The following CDH13 variants were observed in gnomAD, a reference collection of about 807,000 sequenced individuals.
CDH13 encodes cadherin-13.
CDH13 carries 24 observed loss-of-function variants against 63.8 expected under a neutral mutation model. That is an observed-to-expected ratio of 0.38 (90% confidence interval 0.27 to 0.53). The LOEUF (loss-of-function observed/expected upper bound fraction) is 0.53, where lower values mean the gene tolerates loss of function less well. CDH13 is among the 20% of genes least tolerant of loss of function. The pLI is 0.85. For synonymous variants in CDH13, 503 were observed against 355.3 expected, an observed-to-expected ratio of 1.42 and a Z score of -4.67; for missense variants, 1,049 against 903.1, an observed-to-expected ratio of 1.16 and a Z score of -2.07.
At chr16:82,767,189 T>G (rs1056407225) in intron 1 of CDH13, among the ~76,000 whole-genome samples, 21 of 152,206 alleles carry the variant, frequency 1.4e-4, no homozygotes, top group African/African-American at 4.1e-4. Context: ...GCATAAATCT[T>G]AAGTGTGTAT....
intron 2 of CDH13, among the ~76,000 whole-genome samples, chr16:82,970,661 A>T (rs1567706443): frequency 8.5e-6 from 1 of 117,312 alleles, no homozygotes; most frequent in Non-Finnish European, 2.1e-5. Context: ...GGCCTCCCAA[A>T]GTGCCAGTGC....
At chr16:83,452,723 T>G (rs2072917396) in intron 6 of CDH13, among the ~76,000 whole-genome samples, 1 of 152,150 alleles carries the variant, frequency 6.6e-6, no homozygotes, top group Admixed American at 6.5e-5. Flanking sequence ...TACAATGCAG[T>G]GTGATGAGGA....
At chr16:83,120,998 G>A (rs547104962) in intron 3 of CDH13, among the ~76,000 whole-genome samples, 8 of 152,086 alleles carry the variant, frequency 5.3e-5, no homozygotes, top group Non-Finnish European at 7.4e-5. Context: ...TCCTGACCTC[G>A]TGATCCTCCC....
intron 2 of CDH13, among the ~76,000 whole-genome samples, chr16:82,994,167 T>C (rs1221353684): frequency 6.6e-6 from 1 of 152,182 alleles, no homozygotes; most frequent in Non-Finnish European, 1.5e-5. Flanking sequence ...AATGTGCTGA[T>C]GCATGAAGAC....
chr16:83,215,308 A>T (rs1242486660), intron 4 of CDH13, among the ~76,000 whole-genome samples: 1 of 151,480 alleles, frequency 6.6e-6, no homozygotes, highest in Non-Finnish European at 1.5e-5. Flanking sequence ...TGAATTCCTG[A>T]CCTCAAGTGA....
intron 2 of CDH13, among the ~76,000 whole-genome samples, chr16:83,017,235 C>T (rs1914895450): frequency 6.6e-6 from 1 of 152,148 alleles, no homozygotes; most frequent in Admixed American, 6.5e-5. Flanking sequence ...TAAGCTTTGA[C>T]ACACAGGGTC....
chr16:83,217,218 T>G lies in CDH13; in HGVS notation c.484-127T>G, dbSNP rs140674215. The G allele has an allele frequency of 6.1e-5, 51 of 830,538 alleles. No individual in the cohort carries two copies. In the African/African-American group the frequency reaches 8.2e-4, roughly 13 times the overall value. The allele number at this position is 830,538 out of a possible 1,614,324, so 51.4% of individuals were successfully genotyped here. The stretch of plus-strand genomic sequence containing the variant: ...TTCTGGTGCTGTTACTTTAGTCAAA[T>G]CTGTGTTCACCAGGTACCCATGTGC... On this transcript the variant is annotated intron_variant, in intron 4 of 13. Transcript: ENST00000567109.
At chr16:82,802,570 A>C (rs1444211055) in intron 1 of CDH13, among the ~76,000 whole-genome samples, 2 of 152,150 alleles carry the variant, frequency 1.3e-5, no homozygotes, top group Non-Finnish European at 2.9e-5. Context: ...GCATGATGTG[A>C]GTAGGTGTGC....
intron 5 of CDH13, among the ~76,000 whole-genome samples, chr16:83,261,298 C>A (rs779977775): frequency 6.6e-6 from 1 of 152,130 alleles, no homozygotes; most frequent in African/African-American, 2.4e-5. Flanking sequence ...AGCTCATTAC[C>A]GATACGTTAA....
intron 5 of CDH13, among the ~76,000 whole-genome samples, chr16:83,270,322 C>T (rs1054430168): frequency 3.9e-5 from 6 of 152,086 alleles, no homozygotes; most frequent in African/African-American, 1.2e-4. Flanking sequence ...ATGGAGAAGT[C>T]GACAGACTCA....
At chr16:83,313,747 TC>T (rs2090048467) in intron 5 of CDH13, among the ~76,000 whole-genome samples, 3 of 152,278 alleles carry the variant, frequency 2.0e-5, no homozygotes, top group Admixed American at 6.5e-5. Context: ...TTGCCTTTTT[TC>T]CCATTATTTT....
intron 7 of CDH13, among the ~76,000 whole-genome samples, chr16:83,576,095 C>G (rs1055745027): frequency 2.0e-5 from 3 of 152,220 alleles, no homozygotes; most frequent in African/African-American, 4.8e-5. Context: ...CCACCTCCAG[C>G]TGGTCTTAAA....
At chr16:82,816,064 T>C (rs1597684874) in intron 1 of CDH13, among the ~76,000 whole-genome samples, 1 of 152,096 alleles carries the variant, frequency 6.6e-6, no homozygotes. Context: ...AGGCTCAATT[T>C]TGGTGAAGCG....
chr16:83,585,192 C>T (rs1366196632), intron 7 of CDH13, among the ~76,000 whole-genome samples: 1 of 152,216 alleles, frequency 6.6e-6, no homozygotes, highest in Admixed American at 6.5e-5. Flanking sequence ...CCTTCCTGAA[C>T]AGCGTGATGC....
intron 13 of CDH13, among the ~76,000 whole-genome samples, chr16:83,789,303 G>C (rs947496506): frequency 6.6e-6 from 1 of 151,510 alleles, no homozygotes; most frequent in African/African-American, 2.4e-5. Flanking sequence ...GAAGGAGGAG[G>C]GTGATTTCAA....
chr16:83,095,725 T>G (rs1214847441), intron 3 of CDH13, among the ~76,000 whole-genome samples: 1 of 152,144 alleles, frequency 6.6e-6, no homozygotes, highest in Non-Finnish European at 1.5e-5. Flanking sequence ...CAGAGGATAG[T>G]AGTAAAAAAT....
intron 1 of CDH13, chr16:82,826,709 T>C (rs1401832843): frequency 6.6e-6 from 1 of 152,226 alleles, no homozygotes; most frequent in Non-Finnish European, 1.5e-5. Context: ...ATGTGGTAAT[T>C]TGTTCCATAA....
At chr16:83,351,202 T>G (rs748843877) in intron 6 of CDH13, among the ~76,000 whole-genome samples, 1 of 152,180 alleles carries the variant, frequency 6.6e-6, no homozygotes, top group Non-Finnish European at 1.5e-5. Flanking sequence ...TTTCAGACTT[T>G]CATGCTGTAG....
intron 2 of CDH13, among the ~76,000 whole-genome samples, chr16:82,996,243 G>T (rs1211649395): frequency 2.0e-5 from 3 of 151,924 alleles, no homozygotes; most frequent in Non-Finnish European, 1.5e-5. Flanking sequence ...CAGTTGAGAA[G>T]TAATGAAAAT....
Sources: allele counts gnomAD v4.1 joint callset (sites outside exome capture counted in the v4.1 genomes callset), GRCh38; gene constraint gnomAD v4.1.1; transcripts MANE v1.5; gene names NCBI Gene and HGNC (gene_info 2026-07-23, HGNC 2026-07-21).